Variants in DSG4 observed in about 807,000 individuals in gnomAD.
DSG4 encodes the protein desmoglein-4.
Under a neutral mutation model 93.1 loss-of-function variants are expected in DSG4, and 87 were observed. The ratio of observed to expected loss-of-function variants is 0.93; its 90% CI spans 0.79 to 1.12. The LOEUF (loss-of-function observed/expected upper bound fraction) is 1.12. Among genes scored for constraint, DSG4 ranks in the 50% most tolerant of loss-of-function variants. The pLI is 0.00. For synonymous variants in DSG4, 432 were observed against 452.9 expected (o/e 0.95, Z 0.59); for missense variants, 1,373 against 1,285.7 (o/e 1.07, Z -1.04).
chr18:31,394,781 A>G (rs915678832), intron 8 of DSG4, among the ~76,000 whole-genome samples: 1 of 152,160 alleles, frequency 6.6e-6, no homozygotes, highest in African/African-American at 2.4e-5. Flanking sequence ...CAAATTCTGA[A>G]TATTTAGTCA....
chr18:31,398,788 TA>T (rs960480953), intron 8 of DSG4, among the ~76,000 whole-genome samples: 7 of 151,490 alleles, frequency 4.6e-5, no homozygotes, highest in African/African-American at 9.7e-5. Context: ...TGTACACCAT[TA>T]AAAAAAAATT....
rs2144195521 is a variant in DSG4, at chr18:31,399,438, C to A, written c.1172C>A (p.Ala391Asp). 1 of 1,614,052 alleles carries A rather than the reference C, an allele frequency of 6.2e-7. No homozygotes were observed. The highest frequency in any genetic ancestry group is 1.1e-5 in the South Asian group (1 of 91,084). ...EGPAFHPSTM[A>D]FSVREGIKGS... Reference sequence around the variant, plus strand: ...CCTGCATTTCATCCAAGTACTATGGCTTTTAGTGTGCGGGAAGGAATAAAA... The same window carrying A: ...CCTGCATTTCATCCAAGTACTATGGATTTTAGTGTGCGGGAAGGAATAAAA... Residue 391 changes from alanine to aspartate, a missense_variant, in exon 9 of 16, where the codon GCT (alanine) becomes GAT (aspartate). Ala to Asp is a moderately radical substitution (Grantham distance 126). Coordinates refer to ENST00000308128, the MANE Select transcript of DSG4 (RefSeq NM_177986.5).
chr18:31,395,765 C>A (rs546208642), intron 8 of DSG4, among the ~76,000 whole-genome samples: 1 of 152,094 alleles, frequency 6.6e-6, no homozygotes, highest in Non-Finnish European at 1.5e-5. Flanking sequence ...CTTTGGGAGG[C>A]CAAGGCGGGA....
intron 10 of DSG4, 47 bp from the exon 11 acceptor site, chr18:31,403,369 C>T: frequency 6.7e-7 from 1 of 1,484,246 alleles, no homozygotes; most frequent in Non-Finnish European, 9.3e-7. Context: ...AAAGAGTTTT[C>T]TCCCTAACAC....
Position 31,386,772 on chromosome 18 carries a change from G to A in DSG4, c.169G>A (p.Ala57Thr). The A allele has an allele frequency of 6.2e-7, 1 of 1,613,440 alleles. No individual in the cohort carries two copies. The highest frequency in any genetic ancestry group is 8.5e-7 in the Non-Finnish European group (1 of 1,179,512). ...QKREWIKFAAACREGEDNSKR... is the reference protein window; with the variant it reads ...QKREWIKFAATCREGEDNSKR... ...GCGGGAGTGGATCAAGTTTGCCGCA[G>A]CCTGTCGAGAAGGAGAGGACAACTC... Residue 57 changes from alanine to threonine, a missense_variant, in exon 3 of 16, where the codon GCC becomes ACC. Ala to Thr is a moderately conservative substitution (Grantham distance 58). Transcript: ENST00000308128.
chr18:31,413,740 AT>A lies in DSG4; in HGVS notation c.*149del, dbSNP rs1386208097. 1 of 1,139,616 alleles carries A rather than the reference AT, an allele frequency of 8.8e-7. No individual in the cohort carries two copies. Among genetic ancestry groups the A allele is most frequent in the Non-Finnish European group, 1.2e-6 (1 of 802,628 alleles). The allele number at this position is 1,139,616 out of a possible 1,614,324, so 70.6% of individuals were successfully genotyped here. On this transcript the variant is annotated 3_prime_UTR_variant, in exon 16 of 16. Coordinates refer to ENST00000308128, the MANE Select transcript of DSG4 (RefSeq NM_177986.5). ...GTCAATGCCATTATTTGATTATACC[AT>A]TTTGAGGGTGAATATGGCTAGGCAC...
At chr18:31,409,277 A>G (rs1869194615) in intron 12 of DSG4, among the ~76,000 whole-genome samples, 175 bp from the exon 13 acceptor site, 1 of 152,210 alleles carries the variant, frequency 6.6e-6, no homozygotes, top group Non-Finnish European at 1.5e-5. Context: ...TGCTGTATTT[A>G]TAAACTTGGA....
In DSG4 at chr18:31,414,327, G is replaced by A. The variant is rs1049152922; in HGVS notation, c.*732G>A. 2.6e-5 allele frequency: 4 copies of A among 151,968 alleles called. No individual in the cohort carries two copies. Among genetic ancestry groups the A allele is most frequent in the Admixed American group, 2.6e-4 (4 of 15,246 alleles). The allele number at this position is 151,968 out of a possible 1,614,324, so 9.4% of individuals were successfully genotyped here. A position where few individuals can be genotyped will look rare whatever the true frequency, so the allele number is the denominator to read the frequency against. ...ATCCTAAAGTAGAAAGAGTTATTGG[G>A]GAAATATTAGAGTTTTCCCCACTTA... On this transcript the variant is annotated 3_prime_UTR_variant, in exon 16 of 16. Transcript: ENST00000308128.
At chr18:31,389,617 G>T (rs759076934) in intron 5 of DSG4, among the ~76,000 whole-genome samples, 2 of 150,808 alleles carry the variant, frequency 1.3e-5, no homozygotes, top group Non-Finnish European at 3.0e-5. Flanking sequence ...TTCTTATATG[G>T]CTACTTTCCT....
intron 8 of DSG4, among the ~76,000 whole-genome samples, chr18:31,394,296 G>C (rs1034019307): frequency 1.3e-5 from 2 of 152,022 alleles, no homozygotes; most frequent in Admixed American, 1.3e-4. Context: ...CAATAACACC[G>C]GCCTGGCAAA....
intron 1 of DSG4, among the ~76,000 whole-genome samples, chr18:31,377,538 A>G (rs1285498170): frequency 6.6e-6 from 1 of 152,236 alleles, no homozygotes; most frequent in Non-Finnish European, 1.5e-5. Context: ...GCATTCCTAC[A>G]GACCAGCAAA....
At chr18:31,392,128 A>T in intron 7 of DSG4, 27 bp from the exon 8 acceptor site, 1 of 1,609,826 alleles carries the variant, frequency 6.2e-7, no homozygotes, top group Non-Finnish European at 8.5e-7. Flanking sequence ...AAATTCATTG[A>T]CTACAAAATT....
chr18:31,391,257 T>C (rs778074197), intron 7 of DSG4, 45 bp downstream of exon 7: 1 of 1,610,920 alleles, frequency 6.2e-7, no homozygotes, highest in African/African-American at 1.3e-5. Flanking sequence ...GTGTCAATAA[T>C]CAATTTGCAT....
intron 8 of DSG4, among the ~76,000 whole-genome samples, chr18:31,393,783 G>A (rs1004346570): frequency 3.3e-5 from 5 of 152,086 alleles, no homozygotes; most frequent in Admixed American, 6.6e-5. Flanking sequence ...TGGGTCTTTC[G>A]CTTTTCTTTC....
At chr18:31,404,798 G>C (rs1598749376) in intron 11 of DSG4, among the ~76,000 whole-genome samples, 1 of 151,994 alleles carries the variant, frequency 6.6e-6, no homozygotes, top group Admixed American at 6.6e-5. Context: ...CTCCTATAAA[G>C]CTCAATAGCC....
intron 1 of DSG4, 52 bp downstream of exon 1, chr18:31,377,011 T>C: frequency 6.3e-7 from 1 of 1,585,944 alleles, no homozygotes; most frequent in Non-Finnish European, 8.6e-7. Context: ...AGGTCTTGTC[T>C]CTGTCAACTG....
chr18:31,405,907 A>G (rs1376247403), intron 11 of DSG4, among the ~76,000 whole-genome samples, 170 bp from the exon 12 acceptor site: 1 of 151,814 alleles, frequency 6.6e-6, no homozygotes, highest in African/African-American at 2.4e-5. Flanking sequence ...AATAATAATA[A>G]TAATAATAAA....
rs557173600 is a variant in DSG4 at position 31,388,884 on chromosome 18, G to C, written c.383G>C (p.Arg128Pro). 1 of 1,613,434 alleles carries C rather than the reference G, an allele frequency of 6.2e-7. No individual in the cohort carries two copies. ...TCCAATTTTCCACAGATCTATTGCCGGGCTCTGAATTCACGGGGTGAAGAT... is the reference window on the plus strand; with the variant it reads ...TCCAATTTTCCACAGATCTATTGCCCGGCTCTGAATTCACGGGGTGAAGAT... ...EITPLFLIYC[R>P]ALNSRGEDLE... Residue 128 changes from arginine to proline, a missense_variant, in exon 5 of 16, where the codon CGG becomes CCG. By Grantham distance (103) the Arg-to-Pro change is moderately radical. Transcript: ENST00000308128.
chr18:31,409,688 G>A, intron 13 of DSG4, 57 bp from the exon 14 acceptor site: 1 of 1,613,748 alleles, frequency 6.2e-7, no homozygotes, highest in Non-Finnish European at 8.5e-7. Context: ...ACAGATGTCA[G>A]TTTTTAAATG....
Sources: allele counts gnomAD v4.1 joint callset (sites outside exome capture counted in the v4.1 genomes callset), GRCh38; gene constraint gnomAD v4.1.1; transcripts MANE v1.5; gene names NCBI Gene and HGNC (gene_info 2026-07-23, HGNC 2026-07-21).